Variants in THAP5 observed in about 807,000 individuals in gnomAD.
THAP5 encodes THAP domain-containing protein 5.
In THAP5, 26 loss-of-function variants were observed where a neutral mutation model predicts 34.0. The observed-to-expected ratio is 0.77, with a 90% CI of 0.56 to 1.06. THAP5 has a LOEUF of 1.06. Ranked by LOEUF, THAP5 falls within the 50% of genes least tolerant of loss-of-function variation. THAP5 has a pLI of 0.00. For missense variants in THAP5, 394 were observed against 452.8 expected (o/e 0.87, Z 1.18); for synonymous variants, 125 against 153.0 (o/e 0.82, Z 1.35).
At chr7:108,567,091 G>C (rs1480603041) in intron 1 of THAP5, among the ~76,000 whole-genome samples, 2 of 151,868 alleles carry the variant, frequency 1.3e-5, no homozygotes, top group African/African-American at 4.8e-5. Flanking sequence ...CTAAATTCTG[G>C]TAACTTTTTA....
Position 108,564,972 on chromosome 7 carries a change from G to A in THAP5, c.407C>T (p.Pro136Leu), listed in dbSNP as rs55988854. ...TKKNIVNTDV[P>L]HQHPELLHSS... ...ATGAAGTAATTCTGGATGTTGATGG[G>A]GCACATCTGTGTTAACTATATTTTT... Residue 136 changes from proline (P) to leucine (L), a missense_variant, in exon 3 of 3, where the codon CCC becomes CTC. Physicochemically the swap from Pro to Leu is moderately conservative, Grantham distance 98. Transcript: ENST00000415914. 5.8e-6 allele frequency: 9 copies of A among 1,556,126 alleles called. No individual in the cohort carries two copies. In the African/African-American group the frequency reaches 1.2e-4, roughly 21 times the overall value.
chr7:108,560,372 A>T (rs1423655810), downstream of THAP5, among the ~76,000 whole-genome samples: 1 of 152,226 alleles, frequency 6.6e-6, no homozygotes, highest in Non-Finnish European at 1.5e-5. Flanking sequence ...GAGGTAGATG[A>T]GTCTGTTCTA....
downstream of THAP5, among the ~76,000 whole-genome samples, chr7:108,558,788 G>C (rs1329665523): frequency 2.0e-5 from 3 of 151,726 alleles, no homozygotes; most frequent in East Asian, 5.8e-4. Context: ...CATTGATATA[G>C]CATATCTGTG....
chr7:108,545,631 TA>T, the THAP5 span, among the ~76,000 whole-genome samples: 3 of 152,230 alleles, frequency 2.0e-5, no homozygotes, highest in African/African-American at 7.2e-5. Flanking sequence ...AGTCTTGACT[TA>T]AAAATTCAAT....
chr7:108,565,158 A>G, intron 2 of THAP5, 53 bp from the exon 3 acceptor site: 1 of 1,345,126 alleles, frequency 7.4e-7, no homozygotes, highest in Non-Finnish European at 1.0e-6. Context: ...TTGGCTTATT[A>G]TGCTAGTGCT....
rs753690364 is a variant in THAP5, at chr7:108,563,140, T to C, written c.*1051A>G. On this transcript the variant is annotated 3_prime_UTR_variant, in exon 3 of 3. Transcript: ENST00000415914. Reference sequence around the variant, plus strand: ...ACTATGTATTTGATGGTTAGCCACATATAAGTTACCGAAATACATATTCTT... The same window carrying C: ...ACTATGTATTTGATGGTTAGCCACACATAAGTTACCGAAATACATATTCTT... The C allele has an allele frequency of 6.6e-6, 1 of 152,228 alleles. No individual in the cohort carries two copies. Among genetic ancestry groups the C allele is most frequent in the Non-Finnish European group, 1.5e-5 (1 of 68,036 alleles). 9.4% of individuals were successfully genotyped at this position (152,228 alleles called of 1,614,324 possible).
At chr7:108,547,050 A>G in the THAP5 span, among the ~76,000 whole-genome samples, 2 of 152,206 alleles carry the variant, frequency 1.3e-5, no homozygotes, top group African/African-American at 2.4e-5. Context: ...CCAAGTTTTA[A>G]CAAGGCAAAA....
chr7:108,561,635 C>T (rs551335764), downstream of THAP5, among the ~76,000 whole-genome samples: 27 of 151,776 alleles, frequency 1.8e-4, no homozygotes, highest in African/African-American at 5.8e-4. Flanking sequence ...CTTGGGCAAG[C>T]GGGAAGGAGA....
At chr7:108,566,401 T>C (rs1023642337) in intron 1 of THAP5, among the ~76,000 whole-genome samples, 1 of 152,236 alleles carries the variant, frequency 6.6e-6, no homozygotes, top group South Asian at 2.1e-4. Flanking sequence ...GTATAAATTA[T>C]AAATTCCTAT....
chr7:108,549,089 T>TACACACACACAC, the THAP5 span, among the ~76,000 whole-genome samples: 87 of 136,542 alleles, frequency 6.4e-4, no homozygotes, highest in African/African-American at 1.8e-3. Context: ...ACATGCTTAA[T>TACACACACACAC]ACACACACAC....
intron 2 of THAP5, 136 bp downstream of exon 2, chr7:108,565,694 G>T: frequency 1.6e-6 from 1 of 620,348 alleles, no homozygotes. Flanking sequence ...TTTAGTAAAA[G>T]CACAAATTAG....
the THAP5 span, among the ~76,000 whole-genome samples, chr7:108,547,369 T>A: frequency 6.6e-6 from 1 of 152,190 alleles, no homozygotes; most frequent in Non-Finnish European, 1.5e-5. Flanking sequence ...ATTGTGCATA[T>A]TTAAACACCA....
the THAP5 span, among the ~76,000 whole-genome samples, chr7:108,542,385 G>C: frequency 6.6e-6 from 1 of 152,122 alleles, no homozygotes; most frequent in Non-Finnish European, 1.5e-5. Context: ...AAAAAAACAA[G>C]CATTTTATTA....
downstream of THAP5, among the ~76,000 whole-genome samples, chr7:108,554,163 T>C (rs1387744333): frequency 6.6e-6 from 1 of 152,036 alleles, no homozygotes; most frequent in African/African-American, 2.4e-5. Context: ...CCTCTAGAAC[T>C]GTGAAAACAA....
chr7:108,569,306 G>A, intron 1 of THAP5, 184 bp downstream of exon 1: 1 of 1,444,294 alleles, frequency 6.9e-7, no homozygotes, highest in Non-Finnish European at 9.1e-7. Flanking sequence ...AGCAGTCCTC[G>A]CGCAAGAAGG....
rs1256313749 is a variant in THAP5 at position 108,569,703 on chromosome 7, G to A, written c.-134C>T. On this transcript the variant is annotated 5_prime_UTR_variant, in exon 1 of 3. It adds an upstream start codon to the 5' untranslated region. Transcript: ENST00000415914. ...AGCATTCTGCCGGGAAAGCCGCCTC[G>A]TCTGTCGACTCACTTCCGCCTCCTC... 5.8e-6 allele frequency: 7 copies of A among 1,199,092 alleles called. No individual in the cohort carries two copies. The South Asian group carries it at 6.9e-5, about 12-fold the overall frequency. 74.3% of individuals were successfully genotyped at this position (1,199,092 alleles called of 1,614,324 possible). A position where few individuals can be genotyped will look rare whatever the true frequency, so the allele number is the denominator to read the frequency against.
At chr7:108,555,425 C>T (rs1247376346) in intron 1 of THAP5, among the ~76,000 whole-genome samples, 2 of 152,148 alleles carry the variant, frequency 1.3e-5, no homozygotes, top group South Asian at 2.1e-4. Context: ...ACCTCAGCCT[C>T]CCAAAGTGCT....
the THAP5 span, among the ~76,000 whole-genome samples, chr7:108,541,788 AAGAC>A: frequency 3.3e-5 from 5 of 152,250 alleles, no homozygotes. Context: ...ATACAGCAGT[AAGAC>A]AGAATTCCTC....
chr7:108,564,376 A>T lies in THAP5; in HGVS notation c.1003T>A (p.Trp335Arg). 6.2e-7 allele frequency: 1 copy of T among 1,613,796 alleles called. No homozygotes were observed. Among genetic ancestry groups the T allele is most frequent in the East Asian group, 2.2e-5 (1 of 44,806 alleles). ...GAATGTAGCTTAGAGACTTTCTGCC[A>T]AAGATGTTCCTTATTTATATCTTGT... ...CRQDINKEHL[W>R]QKVSKLHSKI... Residue 335 changes from tryptophan (W) to arginine (R), a missense_variant, in exon 3 of 3, where the codon TGG becomes AGG. Physicochemically the swap from Trp to Arg is moderately radical, Grantham distance 101. Transcript: ENST00000415914.
Sources: allele counts gnomAD v4.1 joint callset (sites outside exome capture counted in the v4.1 genomes callset), GRCh38; gene constraint gnomAD v4.1.1; transcripts MANE v1.5; gene names NCBI Gene and HGNC (gene_info 2026-07-23, HGNC 2026-07-21).